LINGO2: variants seen among roughly 807,000 people sequenced by gnomAD.
LINGO2 encodes the protein leucine rich repeat and Ig domain containing 2, also known as leucine-rich repeat and immunoglobulin-like domain-containing nogo receptor-interacting protein 2.
A neutral mutation model predicts 30.6 loss-of-function variants in LINGO2; 14 were observed. The observed-to-expected ratio is 0.46, with a 90% CI of 0.30 to 0.72. The LOEUF is 0.72. Among genes scored for constraint, LINGO2 ranks in the 30% least tolerant of loss-of-function variants. The probability of loss-of-function intolerance (pLI) is 0.07; values close to 1 mark genes in which losing one functional copy is unlikely to be tolerated. For missense variants in LINGO2, 729 were observed against 751.7 expected (o/e 0.97, Z 0.35); for synonymous variants, 317 against 288.5 (o/e 1.10, Z -1.00).
At chr9:28,569,827 C>A (rs57686114) in intron 1 of LINGO2, among the ~76,000 whole-genome samples, 11,116 of 151,784 alleles carry the variant, frequency 0.073, 549 homozygotes, top group African/African-American at 0.14. Flanking sequence ...GAGGTAACAG[C>A]TAAGTCAATA....
the LINGO2 span, among the ~76,000 whole-genome samples, chr9:28,955,348 T>C: frequency 0.29 from 43,646 of 152,028 alleles, 6,368 homozygotes; most frequent in East Asian, 0.41. Context: ...AGTTTTCAAG[T>C]AGTCACAGAT....
chr9:28,741,421 G>A, the LINGO2 span, among the ~76,000 whole-genome samples: 1 of 151,904 alleles, frequency 6.6e-6, no homozygotes, highest in Non-Finnish European at 1.5e-5. Flanking sequence ...ATTCACAGAG[G>A]ATGGTTGCAT....
At chr9:28,975,056 T>C in the LINGO2 span, among the ~76,000 whole-genome samples, 8 of 152,068 alleles carry the variant, frequency 5.3e-5, no homozygotes, top group Non-Finnish European at 1.2e-4. Flanking sequence ...AAAGGACAAT[T>C]GTGAAGGCAT....
chr9:28,503,878 T>TA (rs1819994690), intron 1 of LINGO2, among the ~76,000 whole-genome samples: 1 of 151,356 alleles, frequency 6.6e-6, no homozygotes, highest in Non-Finnish European at 1.5e-5. Context: ...ACAATAAAAA[T>TA]AAAAAACCAG....
At chr9:28,833,420 T>C in the LINGO2 span, among the ~76,000 whole-genome samples, 1 of 152,196 alleles carries the variant, frequency 6.6e-6, no homozygotes, top group Non-Finnish European at 1.5e-5. Flanking sequence ...TTTAGTTTGC[T>C]ACCCATTCAA....
intron 4 of LINGO2, among the ~76,000 whole-genome samples, chr9:28,020,295 G>A (rs7047197): frequency 0.97 from 147,591 of 152,244 alleles, 71,707 homozygotes; most frequent in East Asian, 1. Flanking sequence ...TTGGGAAGCT[G>A]AGGAGGGCAG....
chr9:28,091,204 GA>G (rs200294887), intron 4 of LINGO2, among the ~76,000 whole-genome samples: 2,207 of 152,134 alleles, frequency 0.015, 54 homozygotes, highest in African/African-American at 0.05. Flanking sequence ...CACAGAATTG[GA>G]AAAAACTACT....
At chr9:28,309,832 T>TA (rs970574718) in intron 3 of LINGO2, among the ~76,000 whole-genome samples, 11 of 150,132 alleles carry the variant, frequency 7.3e-5, no homozygotes, top group African/African-American at 1.7e-4. Flanking sequence ...CAAACCAATT[T>TA]AAAAAAAAAG....
chr9:29,136,491 GAT>G, the LINGO2 span, among the ~76,000 whole-genome samples: 1 of 152,062 alleles, frequency 6.6e-6, no homozygotes, highest in Non-Finnish European at 1.5e-5. Flanking sequence ...AAATCAAATT[GAT>G]ATCTAATATT....
the LINGO2 span, among the ~76,000 whole-genome samples, chr9:29,034,077 C>T: frequency 6.9e-6 from 1 of 144,704 alleles, no homozygotes; most frequent in Admixed American, 6.9e-5. Flanking sequence ...AGTGAGATTC[C>T]ACCTCAAAAA....
chr9:28,527,804 G>A (rs753291311), intron 1 of LINGO2, among the ~76,000 whole-genome samples: 1 of 152,046 alleles, frequency 6.6e-6, no homozygotes, highest in Non-Finnish European at 1.5e-5. Flanking sequence ...TGTTTTTTCC[G>A]ATATCTCTAG....
chr9:28,082,838 A>T (rs972865928), intron 4 of LINGO2, among the ~76,000 whole-genome samples: 5 of 152,000 alleles, frequency 3.3e-5, no homozygotes, highest in African/African-American at 1.2e-4. Context: ...ATTATCCTTC[A>T]GTCGGTAAAA....
chr9:29,037,661 T>C, the LINGO2 span, among the ~76,000 whole-genome samples: 3 of 151,992 alleles, frequency 2.0e-5, no homozygotes, highest in Non-Finnish European at 4.4e-5. Context: ...TCTAATGTAC[T>C]GTTTCATAGG....
chr9:28,499,412 C>G (rs1486605114), intron 1 of LINGO2, among the ~76,000 whole-genome samples: 1 of 152,182 alleles, frequency 6.6e-6, no homozygotes, highest in Non-Finnish European at 1.5e-5. Context: ...TGTCAATGAT[C>G]AACATCCCTT....
upstream of LINGO2, among the ~76,000 whole-genome samples, chr9:28,671,761 A>G (rs1829026432): frequency 6.6e-6 from 1 of 152,016 alleles, no homozygotes; most frequent in Admixed American, 6.6e-5. Flanking sequence ...AACAAACCTG[A>G]ACGTGTACCC....
At chr9:28,365,406 GA>G (rs1820624079) in intron 3 of LINGO2, among the ~76,000 whole-genome samples, 1 of 152,202 alleles carries the variant, frequency 6.6e-6, no homozygotes, top group African/African-American at 2.4e-5. Context: ...TAAGAGCTAA[GA>G]ACTGGATCTG....
the LINGO2 span, among the ~76,000 whole-genome samples, chr9:28,870,311 G>A: frequency 6.6e-6 from 1 of 152,058 alleles, no homozygotes; most frequent in South Asian, 2.1e-4. Context: ...TCATCTTCCA[G>A]TCCACCTGTA....
At chr9:29,185,389 C>G in the LINGO2 span, among the ~76,000 whole-genome samples, 1 of 152,010 alleles carries the variant, frequency 6.6e-6, no homozygotes, top group Non-Finnish European at 1.5e-5. Context: ...ATATAAAAAA[C>G]TAGGGCAATT....
At chr9:28,773,460 A>G in the LINGO2 span, among the ~76,000 whole-genome samples, 71,083 of 151,762 alleles carry the variant, frequency 0.47, 19,488 homozygotes, top group African/African-American at 0.78. Flanking sequence ...TATTTATATA[A>G]GGAAAAAAAT....
Sources: allele counts gnomAD v4.1 joint callset (sites outside exome capture counted in the v4.1 genomes callset), GRCh38; gene constraint gnomAD v4.1.1; transcripts MANE v1.5; gene names NCBI Gene and HGNC (gene_info 2026-07-23, HGNC 2026-07-21).